KCND2: variants seen among roughly 807,000 people sequenced by gnomAD.
The protein encoded by KCND2 is A-type voltage-gated potassium channel KCND2.
A neutral mutation model predicts 54.4 loss-of-function variants in KCND2; 16 were observed. That is an observed-to-expected ratio of 0.29 (90% CI 0.20 to 0.45). The LOEUF (loss-of-function observed/expected upper bound fraction) is 0.45, where lower values mean the gene tolerates loss of function less well. Ranked by LOEUF, KCND2 falls within the 20% of genes least tolerant of loss-of-function variation. The pLI is 1.00. For synonymous variants in KCND2, 317 were observed against 310.7 expected (o/e 1.02, Z -0.21); for missense variants, 486 against 824.2 (o/e 0.59, Z 5.02).
intron 1 of KCND2, among the ~76,000 whole-genome samples, chr7:120,465,348 T>C (rs976598425): frequency 6.6e-5 from 10 of 151,582 alleles, no homozygotes; most frequent in Non-Finnish European, 1.0e-4. Flanking sequence ...TATAGGATCA[T>C]AGAGAATAAG....
chr7:120,663,219 C>T (rs985110678), intron 1 of KCND2, among the ~76,000 whole-genome samples: 7 of 152,134 alleles, frequency 4.6e-5, no homozygotes, highest in African/African-American at 1.7e-4. Flanking sequence ...CCAGAATTCA[C>T]TTAACTGGTT....
chr7:120,395,561 G>T (rs1351899945), intron 1 of KCND2, among the ~76,000 whole-genome samples: 1 of 152,000 alleles, frequency 6.6e-6, no homozygotes. Context: ...TATTGAACGG[G>T]TACTGCTTCT....
intron 1 of KCND2, among the ~76,000 whole-genome samples, chr7:120,654,711 A>G (rs1478549736): frequency 2.6e-5 from 4 of 152,198 alleles, no homozygotes; most frequent in Admixed American, 2.6e-4. Context: ...ATGTACTGAT[A>G]CAATGCCAAG....
intron 1 of KCND2, among the ~76,000 whole-genome samples, chr7:120,524,015 C>T (rs1040370849): frequency 2.6e-5 from 4 of 151,908 alleles, no homozygotes; most frequent in Non-Finnish European, 5.9e-5. Context: ...TTGGGCAGAT[C>T]ACCTGAGATC....
chr7:120,659,359 G>C (rs1791839849), intron 1 of KCND2, among the ~76,000 whole-genome samples: 1 of 152,122 alleles, frequency 6.6e-6, no homozygotes, highest in African/African-American at 2.4e-5. Flanking sequence ...AACCTTTACT[G>C]TGAGTCAAAA....
At chr7:120,513,493 T>A (rs2116335160) in intron 1 of KCND2, among the ~76,000 whole-genome samples, 1 of 152,294 alleles carries the variant, frequency 6.6e-6, no homozygotes, top group East Asian at 1.9e-4. Flanking sequence ...TTAGATACTC[T>A]ATTTTGGAAA....
intron 1 of KCND2, among the ~76,000 whole-genome samples, chr7:120,378,976 A>C (rs969886469): frequency 6.6e-6 from 1 of 152,050 alleles, no homozygotes; most frequent in African/African-American, 2.4e-5. Flanking sequence ...CTGAAAATAC[A>C]ATAAAACTGA....
intron 1 of KCND2, among the ~76,000 whole-genome samples, chr7:120,656,075 A>C (rs2116552456): frequency 1.3e-5 from 2 of 152,276 alleles, no homozygotes; most frequent in African/African-American, 4.8e-5. Flanking sequence ...CAAGTATTTT[A>C]ATAAAGTAGG....
At chr7:120,490,729 C>A (rs992812400) in intron 1 of KCND2, among the ~76,000 whole-genome samples, 1 of 152,080 alleles carries the variant, frequency 6.6e-6, no homozygotes, top group Non-Finnish European at 1.5e-5. Context: ...AGATTGCAAA[C>A]GTGCTAATGT....
chr7:120,588,406 T>A (rs954684702), intron 1 of KCND2, among the ~76,000 whole-genome samples: 3 of 143,878 alleles, frequency 2.1e-5, no homozygotes, highest in Non-Finnish European at 3.0e-5. Flanking sequence ...CTGTGCAGTG[T>A]GTGTGTGTGT....
chr7:120,274,937 G>T lies in KCND2; in HGVS notation c.305G>T (p.Gly102Val), dbSNP rs867307827. ...CACATCCTGAATTTCTACCGCACTG[G>T]GAAGCTCCACTATCCTCGCCACGAG... is the stretch of plus-strand genomic sequence containing the variant. ...FRHILNFYRT[G>V]KLHYPRHECI... Residue 102 changes from glycine to valine, a missense_variant, in exon 1 of 6, where the codon GGG becomes GTG. By Grantham distance (109) the Gly-to-Val change is moderately radical. Transcript: ENST00000331113. 1 of 1,613,974 alleles carries T rather than the reference G, an allele frequency of 6.2e-7. No homozygotes were observed.
At chr7:120,469,950 A>G (rs1184568192) in intron 1 of KCND2, among the ~76,000 whole-genome samples, 1 of 152,138 alleles carries the variant, frequency 6.6e-6, no homozygotes, top group Non-Finnish European at 1.5e-5. Flanking sequence ...GTTTCATTTT[A>G]TAGATTAAGA....
chr7:120,373,305 A>G (rs924469556), intron 1 of KCND2, among the ~76,000 whole-genome samples: 4 of 151,834 alleles, frequency 2.6e-5, no homozygotes, highest in African/African-American at 7.2e-5. Flanking sequence ...TAGCTAGAGA[A>G]CAGAGCCTGC....
chr7:120,347,167 G>GTGATC (rs1230698192), intron 1 of KCND2, among the ~76,000 whole-genome samples: 1 of 151,932 alleles, frequency 6.6e-6, no homozygotes, highest in East Asian at 1.9e-4. Context: ...TCTTACTTTT[G>GTGATC]TGATCTGTAT....
At chr7:120,474,977 A>G (rs1394368598) in intron 1 of KCND2, among the ~76,000 whole-genome samples, 2 of 152,170 alleles carry the variant, frequency 1.3e-5, no homozygotes, top group African/African-American at 4.8e-5. Flanking sequence ...AGTACGTAGA[A>G]CTATAGGTGC....
chr7:120,631,298 T>C (rs1793230631), intron 1 of KCND2, among the ~76,000 whole-genome samples: 1 of 152,108 alleles, frequency 6.6e-6, no homozygotes, highest in Non-Finnish European at 1.5e-5. Flanking sequence ...ATATAGTGTA[T>C]GAAGTAGGCC....
intron 1 of KCND2, among the ~76,000 whole-genome samples, chr7:120,687,858 T>C (rs992373397): frequency 3.9e-5 from 6 of 152,230 alleles, no homozygotes; most frequent in Non-Finnish European, 5.9e-5. Context: ...AGATTTACAT[T>C]GTAAAACAGA....
At chr7:120,488,127 C>T (rs977666944) in intron 1 of KCND2, among the ~76,000 whole-genome samples, 1 of 151,912 alleles carries the variant, frequency 6.6e-6, no homozygotes, top group African/African-American at 2.4e-5. Context: ...CTAGGGAGGT[C>T]GAGGCTGCAG....
At chr7:120,342,995 T>G (rs1355847965) in intron 1 of KCND2, among the ~76,000 whole-genome samples, 1 of 152,196 alleles carries the variant, frequency 6.6e-6, no homozygotes, top group African/African-American at 2.4e-5. Context: ...CATATAGTTA[T>G]TGAGGCACCT....
Sources: gnomAD v4.1 joint callset for allele counts (sites outside exome capture counted in the v4.1 genomes callset) on GRCh38, gnomAD v4.1.1 for gene constraint, MANE v1.5 for transcripts, NCBI Gene and HGNC (gene_info 2026-07-23, HGNC 2026-07-21) for gene names.